The following ANKMY1 variants were observed in gnomAD, a reference collection of about 807,000 sequenced individuals.
ANKMY1 encodes the protein ankyrin repeat and MYND domain containing 1.
ANKMY1 carries 98 observed loss-of-function variants against 102.0 expected under a neutral mutation model. That is an observed-to-expected ratio of 0.96 (90% CI 0.82 to 1.14). ANKMY1 has a LOEUF of 1.14. Ranked by LOEUF, ANKMY1 falls within the 50% of genes most tolerant of loss-of-function variation. ANKMY1 has a pLI of 0.00. For synonymous variants in ANKMY1, 582 were observed against 559.9 expected (o/e 1.04, Z -0.56); for missense variants, 1,330 against 1,347.6 (o/e 0.99, Z 0.20).
chr2:240,503,356 GTCCCC>G (rs2152074812), intron 13 of ANKMY1, among the ~76,000 whole-genome samples: 1 of 152,296 alleles, frequency 6.6e-6, no homozygotes, highest in East Asian at 1.9e-4. Context: ...CTTTCTGAAG[GTCCCC>G]TGGCTGATGA....
chr2:240,494,087 C>A (rs1330465215), intron 15 of ANKMY1, among the ~76,000 whole-genome samples: 1 of 152,072 alleles, frequency 6.6e-6, no homozygotes, highest in East Asian at 1.9e-4. Flanking sequence ...ACCTCAGGCC[C>A]CCAGGAGGAG....
At chr2:240,535,357 T>C (rs2086467541) in intron 4 of ANKMY1, among the ~76,000 whole-genome samples, 1 of 152,228 alleles carries the variant, frequency 6.6e-6, no homozygotes, top group African/African-American at 2.4e-5. Flanking sequence ...TTACTTGGGA[T>C]CAATGGAAAG....
At chr2:240,474,202 T>A in the ANKMY1 span, among the ~76,000 whole-genome samples, 2 of 150,724 alleles carry the variant, frequency 1.3e-5, no homozygotes, top group Admixed American at 1.3e-4. Flanking sequence ...TCCATGCCAT[T>A]CTCCTGCCTC....
At chr2:240,549,376 A>C (rs2091082529) in intron 4 of ANKMY1, among the ~76,000 whole-genome samples, 2 of 152,020 alleles carry the variant, frequency 1.3e-5, no homozygotes, top group Non-Finnish European at 2.9e-5. Flanking sequence ...AAGATGGATT[A>C]AAGACTTAAA....
chr2:240,490,222 G>C (rs1165651281), intron 15 of ANKMY1, among the ~76,000 whole-genome samples: 1 of 152,126 alleles, frequency 6.6e-6, no homozygotes, highest in South Asian at 2.1e-4. Context: ...ACTTTTTAAA[G>C]AATCAACTTT....
chr2:240,497,488 T>C (rs2077415183), intron 15 of ANKMY1, among the ~76,000 whole-genome samples: 1 of 152,246 alleles, frequency 6.6e-6, no homozygotes, highest in African/African-American at 2.4e-5. Flanking sequence ...ACAGACATTC[T>C]CTGTTCTTAC....
chr2:240,486,047 A>G (rs576022488), intron 15 of ANKMY1, among the ~76,000 whole-genome samples: 123 of 152,234 alleles, frequency 8.1e-4, no homozygotes, highest in Non-Finnish European at 1.5e-3. Flanking sequence ...ATCCAACATT[A>G]TAAGATTATT....
At chr2:240,494,238 G>A (rs2151956690) in intron 15 of ANKMY1, among the ~76,000 whole-genome samples, 2 of 152,284 alleles carry the variant, frequency 1.3e-5, no homozygotes, top group Middle Eastern at 6.8e-3. Flanking sequence ...TATCCACACT[G>A]AGGCTCTGCT....
intron 8 of ANKMY1, chr2:240,521,996 A>G (rs1358684898): frequency 3.9e-5 from 6 of 152,264 alleles, no homozygotes; most frequent in Non-Finnish European, 5.9e-5. Context: ...CAGCACAGAA[A>G]GGAAACTAAG....
chr2:240,524,919 G>A (rs1259382709), intron 7 of ANKMY1, among the ~76,000 whole-genome samples: 3 of 152,222 alleles, frequency 2.0e-5, no homozygotes, highest in Admixed American at 2.0e-4. Context: ...CCCTGGACCA[G>A]TGGCATCAGT....
chr2:240,559,175 TCCCAATCCATTA>T (rs1398560609), upstream of ANKMY1, among the ~76,000 whole-genome samples: 3 of 152,148 alleles, frequency 2.0e-5, no homozygotes, highest in Non-Finnish European at 4.4e-5. Context: ...ATGAATTGGT[TCCCAATCCATTA>T]CCTCAATGGA....
At chr2:240,485,763 A>G (rs2075987463) in intron 15 of ANKMY1, among the ~76,000 whole-genome samples, 1 of 151,924 alleles carries the variant, frequency 6.6e-6, no homozygotes, top group African/African-American at 2.4e-5. Context: ...CTCATTTTAA[A>G]AAAAATTTTT....
Position 240,523,948 on chromosome 2 carries a change from G to T in ANKMY1, c.1769C>A (p.Pro590His), listed in dbSNP as rs1482897957. The T allele has an allele frequency of 6.2e-7, 1 of 1,613,764 alleles. No individual in the cohort carries two copies. The highest frequency in any genetic ancestry group is 1.3e-5 in the African/African-American group (1 of 75,060). The change falls in exon 8 of 18, where the codon CCC (proline) becomes CAC (histidine). Residue 590 changes from proline (P) to histidine (H), a missense_variant. Physicochemically the swap from Pro to His is moderately conservative, Grantham distance 77. Transcript: ENST00000401804. ...GTCGAAGCTGCTGGTGCACGGTGAG[G>T]GCGAGGCCATCTTCAGCAAGCTGTG... Reference protein sequence around the residue: ...QSHSLLKMASPSPCTSSFDKG... With the variant: ...QSHSLLKMASHSPCTSSFDKG...
intron 9 of ANKMY1, among the ~76,000 whole-genome samples, chr2:240,514,787 C>T (rs2080887066): frequency 6.6e-6 from 1 of 152,228 alleles, no homozygotes; most frequent in African/African-American, 2.4e-5. Context: ...AACTGCGCAG[C>T]ATGGTGGAGG....
upstream of ANKMY1, chr2:240,560,641 A>G (rs113501744): frequency 6.9e-6 from 10 of 1,456,822 alleles, 1 homozygote; most frequent in Middle Eastern, 2.0e-4. Context: ...TGAGCCCCCA[A>G]AATAGATCCT....
At chr2:240,531,084 CAAAT>C (rs1056743175) in intron 4 of ANKMY1, among the ~76,000 whole-genome samples, 54 of 151,884 alleles carry the variant, frequency 3.6e-4, no homozygotes, top group African/African-American at 1.3e-3. Flanking sequence ...ATCAGTAAAA[CAAAT>C]AAACACTTCA....
chr2:240,527,599 A>ATGGT (rs2083958275), intron 5 of ANKMY1: 2 of 14,016 alleles, frequency 1.4e-4, no homozygotes, highest in Non-Finnish European at 1.6e-4. Context: ...AGATGAGTGG[A>ATGGT]TGGCTGGATA....
At chr2:240,502,017 C>A (rs1208629825) in intron 13 of ANKMY1, among the ~76,000 whole-genome samples, 1 of 152,200 alleles carries the variant, frequency 6.6e-6, no homozygotes, top group Non-Finnish European at 1.5e-5. Flanking sequence ...GAGGCCCCAC[C>A]ACCTCATCAA....
At position 240,557,927 on chromosome 2, in the gene ANKMY1, G is replaced by A. The variant is rs960566160; in HGVS notation, c.-64C>T. The A allele has an allele frequency of 6.2e-5, 61 of 985,586 alleles. No homozygotes were observed. The highest frequency in any genetic ancestry group is 3.1e-4 in the African/African-American group (18 of 57,238). The allele number at this position is 985,586 out of a possible 1,614,324, so 61.1% of individuals were successfully genotyped here. The stretch of plus-strand genomic sequence containing the variant: ...GCGCCGGACAGCAGGGAGACCGACG[G>A]GACTGCAGCCACCGCGGACGCCCGC... On this transcript the variant is annotated 5_prime_UTR_variant, in exon 1 of 18. Transcript: ENST00000401804.
Sources: gnomAD v4.1 joint callset for allele counts (sites outside exome capture counted in the v4.1 genomes callset) on GRCh38, gnomAD v4.1.1 for gene constraint, MANE v1.5 for transcripts, NCBI Gene and HGNC (gene_info 2026-07-23, HGNC 2026-07-21) for gene names.